Variants in ADGRV1 observed in about 807,000 individuals in gnomAD.
ADGRV1 encodes the protein G-protein coupled receptor 98.
In ADGRV1, 359 loss-of-function variants were observed where a neutral mutation model predicts 596.2. The observed-to-expected ratio is 0.60, with a 90% CI of 0.55 to 0.66. The LOEUF (loss-of-function observed/expected upper bound fraction) is 0.66. Among genes scored for constraint, ADGRV1 ranks in the 30% least tolerant of loss-of-function variants. ADGRV1 has a pLI of 0.00. For missense variants in ADGRV1, 7,274 were observed against 7,575.6 expected (o/e 0.96, Z 1.48); for synonymous variants, 2,681 against 2,679.2 (o/e 1.00, Z -0.02).
Position 91,027,437 on chromosome 5 carries a change from G to T in ADGRV1, c.18152+41915G>T, listed in dbSNP as rs1784108335. ...ATACAGTGAGTGTATTTCCTTGGTTGGCAAGATGGCAAGGCCAGCCCAGAA... is the reference window on the plus strand; with the variant it reads ...ATACAGTGAGTGTATTTCCTTGGTTTGCAAGATGGCAAGGCCAGCCCAGAA... On this transcript the variant is annotated intron_variant, in intron 85 of 89. Transcript: ENST00000405460. 2.0e-5 allele frequency among the ~76,000 whole-genome samples: 3 copies of T among 152,044 alleles called. No individual in the cohort carries two copies. In the South Asian group the frequency reaches 6.2e-4, roughly 32 times the overall value.
intron 50 of ADGRV1, 63 bp from the exon 51 acceptor site, chr5:90,744,983 C>A: frequency 8.6e-7 from 1 of 1,166,844 alleles, no homozygotes; most frequent in Non-Finnish European, 1.3e-6. Flanking sequence ...GGAACCGATG[C>A]AGGGAGTGTG....
rs1199705788 is a variant in ADGRV1, at chr5:90,753,764, A to G, written c.11312A>G (p.Asp3771Gly). ...SKSVITTLPN[D>G]SPFGLVGWRA... ...TCTGTTATAACAACTTTGCCCAATG[A>G]CTCACCTTTTGGCTTGGTGGGCTGG... The change falls in exon 54 of 90, where the codon GAC becomes GGC. Residue 3771 changes from aspartate (D) to glycine (G), a missense_variant. Coordinates refer to ENST00000405460, the MANE Select transcript of ADGRV1 (RefSeq NM_032119.4). 6.8e-6 allele frequency: 11 copies of G among 1,612,986 alleles called. No individual in the cohort carries two copies. The highest frequency in any genetic ancestry group is 9.3e-6 in the Non-Finnish European group (11 of 1,179,516).
At chr5:90,751,152 G>A (rs1202417265) in intron 53 of ADGRV1, among the ~76,000 whole-genome samples, 1 of 152,160 alleles carries the variant, frequency 6.6e-6, no homozygotes, top group Non-Finnish European at 1.5e-5. Flanking sequence ...ATTGAGAGTT[G>A]TGGACAGAAG....
At position 91,055,288 on chromosome 5, in the gene ADGRV1, G is replaced by T. The variant is rs1019355195; in HGVS notation, c.18153-17159G>T. On this transcript the variant is annotated intron_variant, in intron 85 of 89. Coordinates refer to ENST00000405460, the MANE Select transcript of ADGRV1 (RefSeq NM_032119.4). ...TATATATTAACCAAACATTTGAATA[G>T]CATGTAAAATGAAATATGAATACAG... Among the ~76,000 whole-genome samples, 5 of 151,760 alleles carry T rather than the reference G, an allele frequency of 3.3e-5. No homozygotes were observed. The East Asian group carries it at 7.7e-4, about 23-fold the overall frequency.
chr5:90,726,222 C>T (rs1181380574), intron 48 of ADGRV1, among the ~76,000 whole-genome samples: 1 of 152,184 alleles, frequency 6.6e-6, no homozygotes, highest in Non-Finnish European at 1.5e-5. Context: ...ATTCCTGCTA[C>T]GACAGAGAAA....
intron 78 of ADGRV1, among the ~76,000 whole-genome samples, chr5:90,845,473 T>G (rs1332794393): frequency 6.6e-6 from 1 of 152,196 alleles, no homozygotes; most frequent in Non-Finnish European, 1.5e-5. Flanking sequence ...GATCACAGCC[T>G]TTAATTCTTA....
At chr5:90,571,416 A>G (rs1253462760) in intron 1 of ADGRV1, among the ~76,000 whole-genome samples, 1 of 152,102 alleles carries the variant, frequency 6.6e-6, no homozygotes, top group Non-Finnish European at 1.5e-5. Flanking sequence ...CTTGTGTGTC[A>G]TCTTCTAGGT....
intron 1 of ADGRV1, among the ~76,000 whole-genome samples, chr5:90,596,045 C>G (rs576811839): frequency 1.3e-5 from 2 of 149,066 alleles, no homozygotes; most frequent in African/African-American, 2.5e-5. Flanking sequence ...GGGTGGCTGC[C>G]GGGCGGAGGG....
intron 1 of ADGRV1, among the ~76,000 whole-genome samples, chr5:90,566,849 T>C (rs1755701620): frequency 6.6e-6 from 1 of 152,174 alleles, no homozygotes; most frequent in Admixed American, 6.5e-5. Flanking sequence ...TCCAGTAAAG[T>C]GCTGAATAGA....
chr5:90,700,807 C>A (rs1747815010), intron 34 of ADGRV1, among the ~76,000 whole-genome samples: 1 of 151,964 alleles, frequency 6.6e-6, no homozygotes, highest in Non-Finnish European at 1.5e-5. Context: ...ATTGTTTTAT[C>A]CCGTTTTCTT....
At chr5:90,718,750 T>C (rs559097641) in intron 43 of ADGRV1, among the ~76,000 whole-genome samples, 1 of 152,108 alleles carries the variant, frequency 6.6e-6, no homozygotes, top group Non-Finnish European at 1.5e-5. Context: ...TATTGCTTTA[T>C]TCATGTTTTT....
chr5:90,946,048 G>A (rs1263458812), intron 83 of ADGRV1, among the ~76,000 whole-genome samples: 1 of 152,046 alleles, frequency 6.6e-6, no homozygotes, highest in Non-Finnish European at 1.5e-5. Flanking sequence ...AGTAATACAA[G>A]GAATATGATC....
At chr5:90,559,451 T>A (rs1388352782) in intron 1 of ADGRV1, among the ~76,000 whole-genome samples, 2 of 152,138 alleles carry the variant, frequency 1.3e-5, no homozygotes, top group African/African-American at 4.8e-5. Context: ...AACATGGAGC[T>A]ATAGAATAAT....
At chr5:90,616,913 G>A (rs1286544808) in intron 2 of ADGRV1, among the ~76,000 whole-genome samples, 1 of 151,964 alleles carries the variant, frequency 6.6e-6, no homozygotes, top group African/African-American at 2.4e-5. Flanking sequence ...TCAGCCTCTG[G>A]TAACCACCAT....
intron 71 of ADGRV1, among the ~76,000 whole-genome samples, chr5:90,803,533 C>T (rs541730676): frequency 2.0e-5 from 3 of 152,138 alleles, no homozygotes; most frequent in South Asian, 2.1e-4. Context: ...TGAAGTGACT[C>T]GGGCAAGCCT....
chr5:91,012,080 G>A (rs1189687141), intron 85 of ADGRV1, among the ~76,000 whole-genome samples: 2 of 151,668 alleles, frequency 1.3e-5, no homozygotes, highest in East Asian at 1.9e-4. Flanking sequence ...AAATACAAAC[G>A]ACTTCAATAG....
chr5:91,119,540 A>T (rs1041291405), intron 87 of ADGRV1, among the ~76,000 whole-genome samples: 3 of 152,144 alleles, frequency 2.0e-5, no homozygotes, highest in Non-Finnish European at 4.4e-5. Context: ...AGCCTCTGCT[A>T]TTTTCTAAGG....
Position 90,697,162 on chromosome 5 carries a change from TG to T in ADGRV1, c.8155+17del. 1 of 1,600,262 alleles carries T rather than the reference TG, an allele frequency of 6.2e-7. No individual in the cohort carries two copies. Among genetic ancestry groups the T allele is most frequent in the Non-Finnish European group, 8.5e-7 (1 of 1,170,042 alleles). On this transcript the variant is annotated intron_variant, in intron 34 of 89. Transcript: ENST00000405460. ...GGTCATGAAGGTGGGTTCCTTTTTT[TG>T]TTAAGCATATTCATTTTCTTTTCTA...
intron 85 of ADGRV1, among the ~76,000 whole-genome samples, chr5:90,991,143 C>CT (rs1315979202): frequency 6.6e-6 from 1 of 152,130 alleles, no homozygotes; most frequent in African/African-American, 2.4e-5. Context: ...GAAGACATTA[C>CT]TTTGATCTCA....
Sources: gnomAD v4.1 joint callset for allele counts (sites outside exome capture counted in the v4.1 genomes callset) on GRCh38, gnomAD v4.1.1 for gene constraint, MANE v1.5 for transcripts, NCBI Gene and HGNC (gene_info 2026-07-23, HGNC 2026-07-21) for gene names.